Variants in WNT2 observed in about 807,000 individuals in gnomAD.
WNT2 encodes the protein protein Wnt-2.
Under a neutral mutation model 36.9 loss-of-function variants are expected in WNT2, and 12 were observed. The observed-to-expected ratio is 0.33, with a 90% CI of 0.21 to 0.53. The LOEUF is 0.53. Among genes scored for constraint, WNT2 ranks in the 20% least tolerant of loss-of-function variants. WNT2 has a pLI of 0.95. For missense variants in WNT2, 379 were observed against 473.1 expected, an observed-to-expected ratio of 0.80 and a Z score of 1.84; for synonymous variants, 163 against 174.6, an observed-to-expected ratio of 0.93 and a Z score of 0.52.
chr7:117,311,109 T>C (rs1444324484), intron 3 of WNT2, among the ~76,000 whole-genome samples: 1 of 152,224 alleles, frequency 6.6e-6, no homozygotes, highest in African/African-American at 2.4e-5. Context: ...GTGCTGTTTG[T>C]TGAAATTCTG....
intron 3 of WNT2, among the ~76,000 whole-genome samples, chr7:117,307,223 A>C (rs1429082686): frequency 6.6e-6 from 1 of 152,214 alleles, no homozygotes; most frequent in Non-Finnish European, 1.5e-5. Flanking sequence ...TGTCAGTATA[A>C]TACTGAGGCA....
chr7:117,278,270 T>C lies in WNT2; in HGVS notation c.968A>G (p.Lys323Arg). ...YDTSHVTRMT[K>R]CGCKFHWCCA... The stretch of plus-strand genomic sequence containing the variant: ...GCACCAGTGGAACTTACACCCACAC[T>C]TGGTCATCCGGGTGACATGGGAGGT... Residue 323 changes from lysine (K) to arginine (R), a missense_variant, in exon 5 of 5, where the codon AAG becomes AGG. Transcript: ENST00000265441. The C allele has an allele frequency of 6.2e-7, 1 of 1,614,242 alleles. No homozygotes were observed. Among genetic ancestry groups the C allele is most frequent in the Non-Finnish European group, 8.5e-7 (1 of 1,180,040 alleles).
rs759569888 is a variant in WNT2, at chr7:117,315,055, C to T, written c.588+16G>A. ...GCCATGCAGCCTACAAAATGAGCAC[C>T]GTTGCATTTCCATACCTTCCTGCCA... is the stretch of plus-strand genomic sequence containing the variant. On this transcript the variant is annotated intron_variant, in intron 3 of 4. Transcript: ENST00000265441. 9.3e-6 allele frequency: 15 copies of T among 1,612,160 alleles called. No homozygotes were observed. The East Asian group carries it at 1.1e-4, about 12-fold the overall frequency.
chr7:117,278,656 C>T (rs1278445749), intron 4 of WNT2, among the ~76,000 whole-genome samples: 2 of 152,206 alleles, frequency 1.3e-5, no homozygotes, highest in African/African-American at 4.8e-5. Flanking sequence ...TCCAGCTCTC[C>T]CACTTCTGAG....
chr7:117,305,453 T>C (rs1794997900), intron 3 of WNT2, among the ~76,000 whole-genome samples: 1 of 152,188 alleles, frequency 6.6e-6, no homozygotes, highest in South Asian at 2.1e-4. Context: ...CTTGAATTAC[T>C]GCATTTTCTC....
chr7:117,312,302 A>G (rs1795137341), intron 3 of WNT2, among the ~76,000 whole-genome samples: 2 of 152,106 alleles, frequency 1.3e-5, no homozygotes, highest in Admixed American at 6.5e-5. Context: ...TATAGCTGGG[A>G]ATAGTAGCTG....
chr7:117,310,143 T>G (rs1251757138), intron 3 of WNT2, among the ~76,000 whole-genome samples: 1 of 152,154 alleles, frequency 6.6e-6, no homozygotes, highest in Non-Finnish European at 1.5e-5. Flanking sequence ...CTATCACTCT[T>G]TCAAAGTGGA....
chr7:117,278,378 A>G lies in WNT2; in HGVS notation c.860T>C (p.Leu287Pro), dbSNP rs200216098. 1 of 1,613,226 alleles carries G rather than the reference A, an allele frequency of 6.2e-7. No homozygotes were observed. Among genetic ancestry groups the G allele is most frequent in the Non-Finnish European group, 8.5e-7 (1 of 1,179,636 alleles). ...GTTGCACACACGGCCTGCTGTACCC[A>G]GGGAGCCTGGAAGACAAGCCAGGGA... ...YCIRDREAGS[L>P]GTAGRVCNLT... Residue 287 changes from leucine to proline, a missense_variant, in exon 5 of 5, where the codon CTG becomes CCG. Physicochemically the swap from Leu to Pro is moderately conservative, Grantham distance 98. Transcript: ENST00000265441.
At chr7:117,308,830 T>C (rs983930018) in intron 3 of WNT2, among the ~76,000 whole-genome samples, 3 of 152,132 alleles carry the variant, frequency 2.0e-5, no homozygotes, top group Non-Finnish European at 4.4e-5. Flanking sequence ...CCAGTTCTCT[T>C]AGGTCAGACC....
intron 4 of WNT2, among the ~76,000 whole-genome samples, chr7:117,279,901 G>T (rs980475843): frequency 1.3e-5 from 2 of 152,178 alleles, no homozygotes; most frequent in Non-Finnish European, 2.9e-5. Context: ...AACTAGGAAT[G>T]TCTTCCTTTT....
At chr7:117,294,146 G>A (rs3779546) in intron 4 of WNT2, among the ~76,000 whole-genome samples, 22,984 of 151,962 alleles carry the variant, frequency 0.15, 2,336 homozygotes, top group East Asian at 0.43. Context: ...TGATCCTCCC[G>A]CCTCAGTCTC....
Position 117,297,890 on chromosome 7 carries a change from CAG to C in WNT2, c.589-16_589-15del, listed in dbSNP as rs757007584. 3.7e-6 allele frequency: 6 copies of C among 1,601,906 alleles called. No individual in the cohort carries two copies. The highest frequency in any genetic ancestry group is 3.4e-5 in the Admixed American group (2 of 59,604). On this transcript the variant is annotated splice_polypyrimidine_tract_variant and intron_variant, in intron 3 of 4. Transcript: ENST00000265441. Reference sequence around the variant, plus strand: ...CCGCTTTACAGCCTGCCGAAAAAGACAGGGGCAAGTTCAGTGAGGTTCGAGCA... The same window carrying C: ...CCGCTTTACAGCCTGCCGAAAAAGACGGGCAAGTTCAGTGAGGTTCGAGCA...
chr7:117,304,798 A>C (rs992940679), intron 3 of WNT2, among the ~76,000 whole-genome samples: 1 of 152,046 alleles, frequency 6.6e-6, no homozygotes, highest in Non-Finnish European at 1.5e-5. Context: ...TTGGTCCTCT[A>C]TGTCACTTAT....
At chr7:117,310,824 A>T (rs1795108159) in intron 3 of WNT2, among the ~76,000 whole-genome samples, 1 of 152,142 alleles carries the variant, frequency 6.6e-6, no homozygotes, top group Admixed American at 6.5e-5. Context: ...TCAAACACCC[A>T]GTTCTTTTTA....
At chr7:117,296,754 G>C (rs1794797978) in intron 4 of WNT2, among the ~76,000 whole-genome samples, 1 of 152,192 alleles carries the variant, frequency 6.6e-6, no homozygotes, top group African/African-American at 2.4e-5. Context: ...GAGGCTGACA[G>C]AGCTGTTCTT....
chr7:117,308,315 G>T (rs1795050617), intron 3 of WNT2, among the ~76,000 whole-genome samples: 1 of 152,134 alleles, frequency 6.6e-6, no homozygotes, highest in Non-Finnish European at 1.5e-5. Context: ...GAAAATATAA[G>T]GTGTGGAATT....
At chr7:117,309,923 G>A (rs2116378089) in intron 3 of WNT2, among the ~76,000 whole-genome samples, 1 of 152,020 alleles carries the variant, frequency 6.6e-6, no homozygotes, top group South Asian at 2.1e-4. Flanking sequence ...TCAAAGAGAG[G>A]CAAATTTCTC....
chr7:117,280,774 G>A (rs1794467920), intron 4 of WNT2, among the ~76,000 whole-genome samples: 2 of 152,226 alleles, frequency 1.3e-5, no homozygotes, highest in East Asian at 3.8e-4. Context: ...AACATAATGA[G>A]ATAGTGCATG....
At position 117,304,432 on chromosome 7, in the gene WNT2, A is replaced by AT. The variant is rs3034483; in HGVS notation, c.589-6557dup. Among the ~76,000 whole-genome samples the AT allele has an allele frequency of 3.0e-3, 355 of 116,906 alleles. 4 individuals are homozygous for AT. Among genetic ancestry groups the AT allele is most frequent in the South Asian group, 0.024 (86 of 3,658 alleles). The allele number at this position is 116,906 out of a possible 152,430, so 76.7% of individuals were successfully genotyped here. ...AGCCCCTTTCAATCCTCTCCTCCAC[A>AT]TTTTTTTTTTTTTTTTTTTTTGAGA... On this transcript the variant is annotated intron_variant, in intron 3 of 4. Transcript: ENST00000265441.
Sources: allele counts gnomAD v4.1 joint callset (sites outside exome capture counted in the v4.1 genomes callset), GRCh38; gene constraint gnomAD v4.1.1; transcripts MANE v1.5; gene names NCBI Gene and HGNC (gene_info 2026-07-23, HGNC 2026-07-21).